CACNA1C: variants seen among roughly 807,000 people sequenced by gnomAD.
CACNA1C encodes voltage-dependent L-type calcium channel subunit alpha-1C.
Under a neutral mutation model 229.0 loss-of-function variants are expected in CACNA1C, and 30 were observed. That is an observed-to-expected ratio of 0.13 (90% CI 0.10 to 0.18). CACNA1C has a LOEUF of 0.18. Among genes scored for constraint, CACNA1C ranks in the 10% least tolerant of loss-of-function variants. The pLI is 1.00. For synonymous variants in CACNA1C, 1,114 were observed against 1,132.5 expected, an observed-to-expected ratio of 0.98 and a Z score of 0.33; for missense variants, 1,658 against 2,845.0, an observed-to-expected ratio of 0.58 and a Z score of 9.49.
chr12:2,123,993 G>GTCATCATCA (rs1162660306), intron 3 of CACNA1C, among the ~76,000 whole-genome samples: 1 of 152,030 alleles, frequency 6.6e-6, no homozygotes, highest in African/African-American at 2.4e-5. Flanking sequence ...TGTTATTATT[G>GTCATCATCA]TCATCATCAT....
In CACNA1C at chr12:2,139,365, T is replaced by G. The variant is rs190330440; in HGVS notation, c.477+18935T>G. On this transcript the variant is annotated intron_variant, in intron 3 of 46. Coordinates refer to ENST00000399655, the MANE Select transcript of CACNA1C (RefSeq NM_000719.7). ...TCCTTCACCTTAATCCAGTATAACC[T>G]CATTTTCACATGATTCCATCTGCAA... Among the ~76,000 whole-genome samples the G allele has an allele frequency of 7.3e-5, 11 of 151,322 alleles. No individual in the cohort carries two copies. The East Asian group carries it at 2.1e-3, about 29-fold the overall frequency.
intron 3 of CACNA1C, among the ~76,000 whole-genome samples, chr12:2,361,137 T>C (rs2097547390): frequency 6.6e-6 from 1 of 152,086 alleles, no homozygotes; most frequent in Non-Finnish European, 1.5e-5. Flanking sequence ...ATTTGCTTGT[T>C]TCTTGCTGAA....
At chr12:2,210,437 G>A (rs1334928773) in intron 3 of CACNA1C, among the ~76,000 whole-genome samples, 3 of 152,188 alleles carry the variant, frequency 2.0e-5, no homozygotes, top group Admixed American at 2.0e-4. Flanking sequence ...TCTTTCTTTG[G>A]AAGCATTTAA....
intron 3 of CACNA1C, among the ~76,000 whole-genome samples, chr12:2,323,586 A>G (rs1043617402): frequency 2.6e-5 from 4 of 152,086 alleles, no homozygotes; most frequent in Admixed American, 6.5e-5. Flanking sequence ...CCACACACTG[A>G]GCTTGCTGCC....
At chr12:2,122,591 C>T (rs535921805) in intron 3 of CACNA1C, among the ~76,000 whole-genome samples, 1 of 152,216 alleles carries the variant, frequency 6.6e-6, no homozygotes, top group Non-Finnish European at 1.5e-5. Context: ...CAGATGCCCC[C>T]TTTACAAAGC....
At chr12:2,061,267 C>T (rs7972947) in intron 1 of CACNA1C, among the ~76,000 whole-genome samples, 3 of 151,918 alleles carry the variant, frequency 2.0e-5, no homozygotes, top group Admixed American at 1.3e-4. Context: ...TCCCCATCAG[C>T]GAGCAGAGCA....
At chr12:2,093,197 G>T (rs993990821) in intron 1 of CACNA1C, among the ~76,000 whole-genome samples, 4 of 152,226 alleles carry the variant, frequency 2.6e-5, no homozygotes, top group African/African-American at 9.7e-5. Context: ...GTGTACGTGG[G>T]TATGTGTCTG....
At chr12:2,193,757 C>A (rs950284178) in intron 3 of CACNA1C, among the ~76,000 whole-genome samples, 2 of 152,230 alleles carry the variant, frequency 1.3e-5, no homozygotes, top group Non-Finnish European at 2.9e-5. Context: ...GGCTGGCCAT[C>A]TATGTGGGGA....
At chr12:1,988,164 A>G (rs1180654835) in intron 1 of CACNA1C, among the ~76,000 whole-genome samples, 3 of 152,138 alleles carry the variant, frequency 2.0e-5, no homozygotes, top group Admixed American at 2.0e-4. Context: ...CAAAATCTCA[A>G]TGGCTTAGCT....
intron 3 of CACNA1C, among the ~76,000 whole-genome samples, chr12:2,226,246 T>C (rs1401663283): frequency 6.6e-6 from 1 of 152,098 alleles, no homozygotes; most frequent in African/African-American, 2.4e-5. Flanking sequence ...GTTTCTCTTA[T>C]AGTTTACAGC....
intron 3 of CACNA1C, among the ~76,000 whole-genome samples, chr12:2,305,384 G>A (rs1488629480): frequency 6.6e-6 from 1 of 152,198 alleles, no homozygotes; most frequent in Admixed American, 6.5e-5. Flanking sequence ...AGGTCCCCTG[G>A]CTCCCAGCCT....
At chr12:2,611,556 C>T (rs545289048) in intron 28 of CACNA1C, among the ~76,000 whole-genome samples, 92 of 152,168 alleles carry the variant, frequency 6.0e-4, no homozygotes, top group African/African-American at 2.0e-3. Context: ...TGGACGCATT[C>T]GTTGTCGGTA....
chr12:2,074,587 A>T (rs2062502536), intron 1 of CACNA1C, among the ~76,000 whole-genome samples: 1 of 152,138 alleles, frequency 6.6e-6, no homozygotes, highest in African/African-American at 2.4e-5. Flanking sequence ...TCCAGGGAGT[A>T]CTGTTATTGA....
rs149060393 is a variant in CACNA1C, at chr12:2,183,557, C to T, written c.477+63127C>T. Among the ~76,000 whole-genome samples, 307 of 151,344 alleles carry T rather than the reference C, an allele frequency of 2.0e-3. 1 individual carries two copies. The highest frequency in any genetic ancestry group is 6.8e-3 in the African/African-American group (276 of 40,604). On this transcript the variant is annotated intron_variant, in intron 3 of 46. Coordinates refer to ENST00000399655, the MANE Select transcript of CACNA1C (RefSeq NM_000719.7). ...AATATATACCAACAAAAGTTGTCTG[C>T]GTCTTTTTCTGGGGACAGACCCCCC...
chr12:2,383,174 G>A lies in CACNA1C; in HGVS notation c.478-65802G>A, dbSNP rs559509954. Among the ~76,000 whole-genome samples, 89 of 152,268 alleles carry A rather than the reference G, an allele frequency of 5.8e-4. No individual in the cohort carries two copies. The South Asian group carries it at 0.016, about 27-fold the overall frequency. ...TGTGCCTGGCTTGTAAGCACTAAAC[G>A]AGTGTAGCTATTACTATGATCATAT... On this transcript the variant is annotated intron_variant, in intron 3 of 46. Transcript: ENST00000399655.
chr12:2,398,409 T>C (rs1158324331), intron 3 of CACNA1C, among the ~76,000 whole-genome samples: 1 of 152,238 alleles, frequency 6.6e-6, no homozygotes. Context: ...TATATGCCCT[T>C]CATCTGGATA....
intron 1 of CACNA1C, among the ~76,000 whole-genome samples, chr12:1,989,644 T>C (rs1593177663): frequency 6.6e-6 from 1 of 151,192 alleles, no homozygotes; most frequent in African/African-American, 2.4e-5. Context: ...ACTTGGGAGG[T>C]GGAGGCTGCA....
intron 3 of CACNA1C, among the ~76,000 whole-genome samples, chr12:2,187,998 C>T (rs1178031671): frequency 6.6e-6 from 1 of 152,208 alleles, no homozygotes; most frequent in Non-Finnish European, 1.5e-5. Context: ...GAAGCCCTAG[C>T]TTTGCTTCTG....
intron 1 of CACNA1C, among the ~76,000 whole-genome samples, chr12:1,973,330 T>C (rs958888352): frequency 5.9e-5 from 9 of 152,272 alleles, no homozygotes; most frequent in African/African-American, 1.9e-4. Flanking sequence ...CTCATGAACA[T>C]TTTGGGGGAA....
Sources: gnomAD v4.1 joint callset for allele counts (sites outside exome capture counted in the v4.1 genomes callset) on GRCh38, gnomAD v4.1.1 for gene constraint, MANE v1.5 for transcripts, NCBI Gene and HGNC (gene_info 2026-07-23, HGNC 2026-07-21) for gene names.